SS18L1: variants seen among roughly 807,000 people sequenced by gnomAD.
SS18L1 encodes the protein SS18L1 subunit of BAF chromatin remodeling complex.
In SS18L1, 32 loss-of-function variants were observed where a neutral mutation model predicts 70.3. The observed-to-expected ratio is 0.46, with a 90% CI of 0.34 to 0.61. The LOEUF (loss-of-function observed/expected upper bound fraction) is 0.61, where lower values mean the gene tolerates loss of function less well. Ranked by LOEUF, SS18L1 falls within the 20% of genes least tolerant of loss-of-function variation. The pLI is 0.01. For missense variants in SS18L1, 430 were observed against 542.1 expected (o/e 0.79, Z 2.05); for synonymous variants, 237 against 229.7 (o/e 1.03, Z -0.29).
chr20:62,150,049 G>A (rs963563325), intron 1 of SS18L1, among the ~76,000 whole-genome samples: 12 of 152,220 alleles, frequency 7.9e-5, no homozygotes, highest in Non-Finnish European at 1.6e-4. Context: ...TCTGTTCAGC[G>A]TGTCTTCACA....
At chr20:62,154,488 G>A (rs1601001460) in intron 1 of SS18L1, 1 of 1,022,594 alleles carries the variant, frequency 9.8e-7, no homozygotes, top group Non-Finnish European at 1.2e-6. Flanking sequence ...CTCCTCCAGA[G>A]CCTCCCTCAG....
intron 1 of SS18L1, among the ~76,000 whole-genome samples, chr20:62,145,357 G>C (rs1237682580): frequency 6.6e-6 from 1 of 152,242 alleles, no homozygotes; most frequent in Admixed American, 6.5e-5. Context: ...GCACAGCCAG[G>C]TGTCGATCCC....
chr20:62,172,068 A>G (rs1357792675), intron 8 of SS18L1, among the ~76,000 whole-genome samples: 1 of 151,830 alleles, frequency 6.6e-6, no homozygotes, highest in Non-Finnish European at 1.5e-5. Context: ...AGGCTGAGGC[A>G]GGAGAATGGC....
At chr20:62,170,523 C>T (rs1296618362) in intron 8 of SS18L1, among the ~76,000 whole-genome samples, 2 of 152,100 alleles carry the variant, frequency 1.3e-5, no homozygotes, top group African/African-American at 4.8e-5. Context: ...AAAGAAAGAA[C>T]CCTGGAGTAC....
In SS18L1 at chr20:62,180,134, T is replaced by C; in HGVS notation, c.*926T>C. On this transcript the variant is annotated 3_prime_UTR_variant, in exon 11 of 11. Coordinates refer to ENST00000331758, the MANE Select transcript of SS18L1 (RefSeq NM_198935.3). ...TATTCAAACCAAATCTTCCCAACAG[T>C]TGGCAAGTTGTTTATTTTATATTAT... 4.8e-6 allele frequency: 1 copy of C among 209,928 alleles called. No individual in the cohort carries two copies. The highest frequency in any genetic ancestry group is 9.7e-6 in the Non-Finnish European group (1 of 103,374). 13.0% of individuals were successfully genotyped at this position (209,928 alleles called of 1,614,324 possible).
At position 62,181,488 on chromosome 20, in the gene SS18L1, T is replaced by C; in HGVS notation, c.*2280T>C. 4.7e-6 allele frequency: 1 copy of C among 213,204 alleles called. No individual in the cohort carries two copies. The highest frequency in any genetic ancestry group is 1.9e-4 in the South Asian group (1 of 5,354). 13.2% of individuals were successfully genotyped at this position (213,204 alleles called of 1,614,324 possible). A position where few individuals can be genotyped will look rare whatever the true frequency, so the allele number is the denominator to read the frequency against. ...TGCCTTTTTTGTGTGTTTGTGTGTT[T>C]TTTTAAGTGCTGTATTAATAATACT... is the stretch of plus-strand genomic sequence containing the variant. On this transcript the variant is annotated 3_prime_UTR_variant, in exon 11 of 11. Transcript: ENST00000331758.
intron 8 of SS18L1, among the ~76,000 whole-genome samples, chr20:62,166,461 C>T (rs924068487): frequency 7.9e-5 from 12 of 152,228 alleles, no homozygotes; most frequent in African/African-American, 2.7e-4. Context: ...AAAGGTTTTG[C>T]TTCTGAGCTT....
At position 62,153,363 on chromosome 20, in the gene SS18L1, T is replaced by C. The variant is rs190974686; in HGVS notation, c.70-5309T>C. Among the ~76,000 whole-genome samples the C allele has an allele frequency of 3.1e-4, 47 of 152,320 alleles. No individual in the cohort carries two copies. In the East Asian group the frequency reaches 6.4e-3, roughly 21 times the overall value. Reference sequence around the variant, plus strand: ...AGGGCATGAGTAACCTCAGGAGTAATGCCTCCCACCTCCCAGAGGCGCTGT... The same window carrying C: ...AGGGCATGAGTAACCTCAGGAGTAACGCCTCCCACCTCCCAGAGGCGCTGT... On this transcript the variant is annotated intron_variant, in intron 1 of 10. Coordinates refer to ENST00000331758, the MANE Select transcript of SS18L1 (RefSeq NM_198935.3).
rs956354327 is a variant in SS18L1, at chr20:62,180,243, T to A, written c.*1035T>A. 6 of 199,304 alleles carry A rather than the reference T, an allele frequency of 3.0e-5. No homozygotes were observed. The highest frequency in any genetic ancestry group is 6.2e-5 in the Non-Finnish European group (6 of 96,642). The allele number at this position is 199,304 out of a possible 1,614,324, so 12.3% of individuals were successfully genotyped here. ...GTCTGAAAGTCACATCCAGTTACAT[T>A]ACTGTGTTCTTTCTAATGAAAAGTA... On this transcript the variant is annotated 3_prime_UTR_variant, in exon 11 of 11. Transcript: ENST00000331758.
rs566339914 is a variant in SS18L1 at position 62,146,470 on chromosome 20, C to A, written c.69+2581C>A. Reference sequence around the variant, plus strand: ...TGGCTTCAAACAACAGAAATCTATTCCCTCACAGTTCTGGAGACCAGAAGT... The same window carrying A: ...TGGCTTCAAACAACAGAAATCTATTACCTCACAGTTCTGGAGACCAGAAGT... On this transcript the variant is annotated intron_variant, in intron 1 of 10. Coordinates refer to ENST00000331758, the MANE Select transcript of SS18L1 (RefSeq NM_198935.3). Among the ~76,000 whole-genome samples, 310 of 152,272 alleles carry A rather than the reference C, an allele frequency of 2.0e-3. 1 individual carries two copies. The highest frequency in any genetic ancestry group is 6.5e-3 in the African/African-American group (269 of 41,548).
chr20:62,174,967 C>T lies in SS18L1; in HGVS notation c.1164+323C>T, dbSNP rs967582831. On this transcript the variant is annotated intron_variant, in intron 10 of 10. Coordinates refer to ENST00000331758, the MANE Select transcript of SS18L1 (RefSeq NM_198935.3). This position sits in a 1 kb window ranked among gnomAD's most constrained non-coding sequence, Gnocchi z 4.1. ...CTGCTGAGTGCTTGGTGTGTGGCCG[C>T]GACACGAACCCTGCACTTTTAGAGC... 4.3e-6 allele frequency: 4 copies of T among 935,856 alleles called. No individual in the cohort carries two copies. The African/African-American group carries it at 7.1e-5, about 17-fold the overall frequency. The allele number at this position is 935,856 out of a possible 1,614,324, so 58.0% of individuals were successfully genotyped here.
At chr20:62,168,965 TAGG>T (rs370551938) in intron 8 of SS18L1, among the ~76,000 whole-genome samples, 11 of 151,574 alleles carry the variant, frequency 7.3e-5, no homozygotes, top group Admixed American at 2.0e-4. Context: ...GCACCAGTAA[TAGG>T]AGGGGACCAG....
intron 1 of SS18L1, among the ~76,000 whole-genome samples, chr20:62,149,535 C>G (rs2057090490): frequency 6.6e-6 from 1 of 152,242 alleles, no homozygotes; most frequent in Non-Finnish European, 1.5e-5. Flanking sequence ...GGCCATGGAG[C>G]TGCAGGAGGG....
chr20:62,165,525 C>CG lies in SS18L1; in HGVS notation c.916+13dup. On this transcript the variant is annotated intron_variant, in intron 8 of 10. Coordinates refer to ENST00000331758, the MANE Select transcript of SS18L1 (RefSeq NM_198935.3). The stretch of plus-strand genomic sequence containing the variant: ...ACTACTATGAGGGGGGTAAGGAGCA[C>CG]GGCTGCGTGCTGGGCTCGAGCGTAA... 6.3e-7 allele frequency: 1 copy of CG among 1,598,750 alleles called. No homozygotes were observed. Among genetic ancestry groups the CG allele is most frequent in the South Asian group, 1.1e-5 (1 of 89,068 alleles).
rs751255404 is a variant in SS18L1 at position 62,161,451 on chromosome 20, A to C, written c.247A>C (p.Met83Leu). Residue 83 changes from methionine (M) to leucine (L), a missense_variant, in exon 4 of 11, where the codon ATG (methionine) becomes CTG (leucine). By Grantham distance (15) the Met-to-Leu change is conservative (BLOSUM62 2). Coordinates refer to ENST00000331758, the MANE Select transcript of SS18L1 (RefSeq NM_198935.3). The surrounding 1 kb of genome is among the most constrained non-coding windows in gnomAD (Gnocchi z 4.4). ...TTGCCTGCAGCCGCCCACGCAGAACATGAACCTGGGCCCTGGAGCCCTGAC... is the reference window on the plus strand; with the variant it reads ...TTGCCTGCAGCCGCCCACGCAGAACCTGAACCTGGGCCCTGGAGCCCTGAC... Reference protein sequence around the residue: ...SLLPAPPTQNMNLGPGALTQS... With the variant: ...SLLPAPPTQNLNLGPGALTQS... The C allele has an allele frequency of 1.2e-6, 2 of 1,612,802 alleles. No individual in the cohort carries two copies. Among genetic ancestry groups the C allele is most frequent in the Non-Finnish European group, 1.7e-6 (2 of 1,179,988 alleles).
At chr20:62,179,038 A>G (rs1486924450) in intron 10 of SS18L1, 144 bp from the exon 11 acceptor site, 1 of 793,936 alleles carries the variant, frequency 1.3e-6, no homozygotes, top group Non-Finnish European at 2.1e-6. Context: ...GCTTCTGGAA[A>G]GTCGTTCGCT....
intron 1 of SS18L1, among the ~76,000 whole-genome samples, chr20:62,146,605 ATTTTTT>A (rs10673768): frequency 1.3e-5 from 1 of 79,712 alleles, no homozygotes; most frequent in African/African-American, 5.2e-5. Context: ...TGCTTTGATC[ATTTTTT>A]TTTTTTTTTT....
chr20:62,151,799 G>A (rs1370872504), intron 1 of SS18L1, among the ~76,000 whole-genome samples: 1 of 150,372 alleles, frequency 6.7e-6, no homozygotes, highest in Admixed American at 6.6e-5. Context: ...TCCCCCAGCA[G>A]CCCCCGTTCC....
At chr20:62,145,914 T>C (rs546827202) in intron 1 of SS18L1, among the ~76,000 whole-genome samples, 9 of 152,310 alleles carry the variant, frequency 5.9e-5, no homozygotes, top group African/African-American at 2.2e-4. Flanking sequence ...TGCCGAGAGC[T>C]TTAAGAGAAG....
Sources: gnomAD v4.1 joint callset for allele counts (sites outside exome capture counted in the v4.1 genomes callset) on GRCh38, gnomAD v4.1.1 for gene constraint, Gnocchi (gnomAD v3.1) non-coding constraint, MANE v1.5 for transcripts, NCBI Gene and HGNC (gene_info 2026-07-23, HGNC 2026-07-21) for gene names.